Variants in SERHL2 observed in about 807,000 individuals in gnomAD.
The protein encoded by SERHL2 is serine hydrolase like 2, also known as serine hydrolase-like protein 2.
Under a neutral mutation model 25.5 loss-of-function variants are expected in SERHL2, and 29 were observed. The observed-to-expected ratio is 1.14, with a 90% CI of 0.85 to 1.55. The LOEUF (loss-of-function observed/expected upper bound fraction) is 1.55. Ranked by LOEUF, SERHL2 falls within the 40% of genes most tolerant of loss-of-function variation. The pLI, the probability that SERHL2 is intolerant of heterozygous loss-of-function variation, is 0.00. For synonymous variants in SERHL2, 95 were observed against 103.5 expected (o/e 0.92, Z 0.50); for missense variants, 240 against 252.3 (o/e 0.95, Z 0.33).
chr22:42,560,976 T>C (rs1445928259), intron 8 of SERHL2, among the ~76,000 whole-genome samples: 3 of 151,728 alleles, frequency 2.0e-5, no homozygotes, highest in African/African-American at 7.3e-5. Context: ...ACTGTCCCTC[T>C]CTCAGTGGGG....
chr22:42,570,467 G>A (rs1408410693), intron 9 of SERHL2, among the ~76,000 whole-genome samples: 1 of 152,088 alleles, frequency 6.6e-6, no homozygotes, highest in South Asian at 2.1e-4. Context: ...CATCCACAAT[G>A]TGATTCAAGA....
chr22:42,571,822 A>C (rs965215978), intron 10 of SERHL2: 1 of 154,580 alleles, frequency 6.5e-6, no homozygotes, highest in African/African-American at 2.4e-5. Flanking sequence ...ACGAATTCAG[A>C]CACAACCGTC....
intron 6 of SERHL2, among the ~76,000 whole-genome samples, chr22:42,557,557 CAAAAAAAAAAAAAAAAAA>C (rs3046378): frequency 2.2e-5 from 1 of 45,500 alleles, no homozygotes; most frequent in African/African-American, 4.7e-5. Context: ...CTCCGTCTCC[CAAAAAAAAAAAAAAAAAA>C]AAAAAAAAGA....
At chr22:42,567,654 G>A (rs576901974) in intron 9 of SERHL2, among the ~76,000 whole-genome samples, 1 of 150,848 alleles carries the variant, frequency 6.6e-6, no homozygotes, top group East Asian at 2.0e-4. Context: ...CTGGGCGACA[G>A]AGCGAGACTC....
Position 42,560,174 on chromosome 22 carries a change from G to T in SERHL2, c.534-12G>T, listed in dbSNP as rs1251805903. The T allele has an allele frequency of 6.2e-7, 1 of 1,607,858 alleles. No individual in the cohort carries two copies. The highest frequency in any genetic ancestry group is 1.7e-4 in the Middle Eastern group (1 of 6,032). ...GCCTCCAGGCACCCAGCATCCTTCT[G>T]TCTCCCCCCAGGTTACTGAAGAGCA... is the stretch of plus-strand genomic sequence containing the variant. On this transcript the variant is annotated splice_polypyrimidine_tract_variant and intron_variant, in intron 7 of 11. Transcript: ENST00000327678.
chr22:42,566,459 G>C (rs1923401681), intron 9 of SERHL2, 121 bp downstream of exon 9: 1 of 942,360 alleles, frequency 1.1e-6, no homozygotes, highest in Admixed American at 1.9e-5. Flanking sequence ...TCAGGAGGCT[G>C]AGGCAGGACA....
chr22:42,566,966 C>T (rs564583172), intron 9 of SERHL2, among the ~76,000 whole-genome samples: 119 of 152,048 alleles, frequency 7.8e-4, no homozygotes, highest in African/African-American at 2.5e-3. Flanking sequence ...TGCTTTCATT[C>T]GCTCAGCTGG....
Position 42,571,210 on chromosome 22 carries a change from C to G in SERHL2, c.731+7C>G, listed in dbSNP as rs1458606958. Reference sequence around the variant, plus strand: ...CCCATGTCCTGTTGATCAAGTAAGTCTGGACCCATCCCCTTCAGCCACCCG... The same window carrying G: ...CCCATGTCCTGTTGATCAAGTAAGTGTGGACCCATCCCCTTCAGCCACCCG... On this transcript the variant is annotated splice_region_variant and intron_variant, in intron 10 of 11. Transcript: ENST00000327678. 1 of 1,612,762 alleles carries G rather than the reference C, an allele frequency of 6.2e-7. No individual in the cohort carries two copies. The highest frequency in any genetic ancestry group is 8.5e-7 in the Non-Finnish European group (1 of 1,179,282).
intron 8 of SERHL2, among the ~76,000 whole-genome samples, chr22:42,562,002 C>A (rs1238448969): frequency 6.6e-6 from 1 of 151,680 alleles, no homozygotes; most frequent in African/African-American, 2.4e-5. Context: ...GCTGACCAGG[C>A]ACCCCTATGT....
intron 8 of SERHL2, among the ~76,000 whole-genome samples, chr22:42,565,916 C>T (rs559544057): frequency 5.3e-5 from 8 of 152,090 alleles, no homozygotes; most frequent in East Asian, 3.9e-4. Context: ...TGCAGTGGCA[C>T]GATCTCAGCT....
chr22:42,570,733 C>CGT (rs1248074112), intron 9 of SERHL2, among the ~76,000 whole-genome samples: 4 of 152,114 alleles, frequency 2.6e-5, no homozygotes, highest in African/African-American at 9.7e-5. Flanking sequence ...CAGGGGACAG[C>CGT]GTGAGGTGCA....
intron 8 of SERHL2, among the ~76,000 whole-genome samples, chr22:42,561,911 C>CA (rs1403332099): frequency 6.6e-6 from 1 of 151,754 alleles, no homozygotes; most frequent in African/African-American, 2.4e-5. Flanking sequence ...TAGGGAGCCC[C>CA]AGGCACAGAA....
rs557242111 is a variant in SERHL2 at position 42,567,194 on chromosome 22, G to A, written c.648+856G>A. ...GGTGGGGACGCTCTAACTGCAGGGA[G>A]ACCGCTGAGAGCTGCTGCCCAGGCC... On this transcript the variant is annotated intron_variant, in intron 9 of 11. Transcript: ENST00000327678. 2.6e-5 allele frequency among the ~76,000 whole-genome samples: 4 copies of A among 152,144 alleles called. No homozygotes were observed. In the East Asian group the frequency reaches 7.7e-4, roughly 29 times the overall value.
At chr22:42,559,767 T>C (rs1922440943) in intron 7 of SERHL2, among the ~76,000 whole-genome samples, 1 of 151,876 alleles carries the variant, frequency 6.6e-6, no homozygotes, top group African/African-American at 2.4e-5. Context: ...GCACGCTTTG[T>C]GGGTGACCTC....
At chr22:42,570,264 A>G (rs570111895) in intron 9 of SERHL2, among the ~76,000 whole-genome samples, 2 of 152,122 alleles carry the variant, frequency 1.3e-5, no homozygotes, top group Admixed American at 6.5e-5. Flanking sequence ...GCTACTAAAA[A>G]TACAAAATTA....
At chr22:42,560,494 C>T (rs535643261) in intron 8 of SERHL2, among the ~76,000 whole-genome samples, 8 of 152,000 alleles carry the variant, frequency 5.3e-5, no homozygotes, top group South Asian at 2.1e-4. Flanking sequence ...CAGAAAGCCA[C>T]GCTCTGGGAG....
chr22:42,571,037 A>G (rs1924099386), intron 9 of SERHL2, 84 bp from the exon 10 acceptor site: 4 of 1,598,250 alleles, frequency 2.5e-6, no homozygotes, highest in Non-Finnish European at 1.7e-6. Context: ...GCCAGGACTT[A>G]GCCACCCCAA....
At chr22:42,565,764 A>C (rs1033339292) in intron 8 of SERHL2, among the ~76,000 whole-genome samples, 1 of 151,572 alleles carries the variant, frequency 6.6e-6, no homozygotes, top group Non-Finnish European at 1.5e-5. Context: ...TACCTGTGTA[A>C]TTTTTCCACG....
chr22:42,554,558 C>T (rs1392210306), intron 1 of SERHL2, among the ~76,000 whole-genome samples: 1 of 152,128 alleles, frequency 6.6e-6, no homozygotes, highest in African/African-American at 2.4e-5. Flanking sequence ...TTTCTTTACT[C>T]CGGTTTTACA....
Sources: gnomAD v4.1 joint callset for allele counts (sites outside exome capture counted in the v4.1 genomes callset) on GRCh38, gnomAD v4.1.1 for gene constraint, MANE v1.5 for transcripts, NCBI Gene and HGNC (gene_info 2026-07-23, HGNC 2026-07-21) for gene names.